SLC6A16: variants seen among roughly 807,000 people sequenced by gnomAD.
SLC6A16 encodes the protein solute carrier family 6 member 16, also known as orphan sodium- and chloride-dependent neurotransmitter transporter NTT5.
A neutral mutation model predicts 65.4 loss-of-function variants in SLC6A16; 54 were observed. That is an observed-to-expected ratio of 0.83 (90% CI 0.66 to 1.04). The LOEUF (loss-of-function observed/expected upper bound fraction) is 1.04, where lower values mean the gene tolerates loss of function less well. SLC6A16 is among the 50% of genes least tolerant of loss of function. SLC6A16 has a pLI of 0.00. For synonymous variants in SLC6A16, 330 were observed against 346.5 expected (o/e 0.95, Z 0.53); for missense variants, 816 against 914.0 (o/e 0.89, Z 1.38).
rs751309527 is a variant in SLC6A16, at chr19:49,299,562, G to GAA, written c.1230-5010_1230-5009insTT. Among the ~76,000 whole-genome samples the GAA allele has an allele frequency of 2.8e-5, 3 of 106,082 alleles. No individual in the cohort carries two copies. The Admixed American group carries it at 2.9e-4, about 10-fold the overall frequency. 69.6% of individuals were successfully genotyped at this position (106,082 alleles called of 152,430 possible). A position where few individuals can be genotyped will look rare whatever the true frequency, so the allele number is the denominator to read the frequency against. ...AAAAAAAAAAAAAGAAAGAAAGAAA[G>GAA]AGAAAGCTGAAAGATAGTAGGCTAT... On this transcript the variant is annotated intron_variant, in intron 7 of 11. Coordinates refer to ENST00000335875, the MANE Select transcript of SLC6A16 (RefSeq NM_014037.3).
At chr19:49,307,174 G>A (rs576862381) in intron 7 of SLC6A16, among the ~76,000 whole-genome samples, 20 of 150,654 alleles carry the variant, frequency 1.3e-4, no homozygotes, top group Non-Finnish European at 2.1e-4. Flanking sequence ...CACTGCTCCC[G>A]GCCTTGTTTT....
intron 8 of SLC6A16, 53 bp downstream of exon 8, chr19:49,294,313 TG>T: frequency 6.5e-7 from 1 of 1,542,878 alleles, no homozygotes; most frequent in Non-Finnish European, 8.8e-7. Context: ...AAATTTCTGT[TG>T]TGCTAAAGGC....
chr19:49,304,306 G>A (rs1255447176), intron 7 of SLC6A16, among the ~76,000 whole-genome samples: 5 of 152,110 alleles, frequency 3.3e-5, no homozygotes, highest in African/African-American at 7.2e-5. Flanking sequence ...CTATAACCAC[G>A]CATAAAGGCC....
the SLC6A16 span, chr19:49,340,002 G>A: frequency 5.5e-6 from 8 of 1,445,430 alleles, no homozygotes; most frequent in South Asian, 5.7e-5. Context: ...CCAAAATAAA[G>A]GACCCTGGGC....
the SLC6A16 span, chr19:49,335,731 C>A: frequency 6.2e-7 from 1 of 1,613,968 alleles, no homozygotes; most frequent in Non-Finnish European, 8.5e-7. The surrounding 1 kb of genome is among the most constrained non-coding windows in gnomAD (Gnocchi z 4.6). Context: ...GCAGCCTGAT[C>A]TTCTGCTTCG....
upstream of SLC6A16, among the ~76,000 whole-genome samples, chr19:49,330,055 C>T (rs1970833944): frequency 6.6e-6 from 1 of 151,354 alleles, no homozygotes; most frequent in Non-Finnish European, 1.5e-5. Flanking sequence ...GAGATTGAGG[C>T]TGCAATGAGT....
At chr19:49,325,707 T>C (rs1015406521), upstream of SLC6A16, among the ~76,000 whole-genome samples, 4 of 152,188 alleles carry the variant, frequency 2.6e-5, no homozygotes, top group African/African-American at 7.2e-5. Context: ...TTAAGAATTA[T>C]TAAGGACTCC....
At position 49,290,061 on chromosome 19, in the gene SLC6A16, A is replaced by G. The variant is rs367764620; in HGVS notation, c.*62T>C. On this transcript the variant is annotated 3_prime_UTR_variant, in exon 12 of 12. Transcript: ENST00000335875. ...GGGAGATCAACAGTTGCAAGCTGATATTAAGAGTTGTCTATTGGATCTGTT... is the reference window on the plus strand; with the variant it reads ...GGGAGATCAACAGTTGCAAGCTGATGTTAAGAGTTGTCTATTGGATCTGTT... The G allele has an allele frequency of 1.1e-5, 17 of 1,512,980 alleles. No individual in the cohort carries two copies. The African/African-American group carries it at 2.3e-4, about 21-fold the overall frequency. The allele number at this position is 1,512,980 out of a possible 1,614,324, so 93.7% of individuals were successfully genotyped here. A position where few individuals can be genotyped will look rare whatever the true frequency, so the allele number is the denominator to read the frequency against.
At chr19:49,309,489 G>T in intron 5 of SLC6A16, 78 bp from the exon 6 acceptor site, 1 of 1,347,860 alleles carries the variant, frequency 7.4e-7, no homozygotes, top group Non-Finnish European at 1.1e-6. Context: ...CAAAAGTTCT[G>T]AGTCAGAAAT....
intron 7 of SLC6A16, among the ~76,000 whole-genome samples, chr19:49,306,904 T>A (rs1355386641): frequency 3.3e-5 from 5 of 152,070 alleles, no homozygotes; most frequent in Non-Finnish European, 5.9e-5. Flanking sequence ...GTAACCACTA[T>A]CCTGACTTTT....
the SLC6A16 span, among the ~76,000 whole-genome samples, chr19:49,330,353 G>A: frequency 3.3e-5 from 5 of 152,272 alleles, no homozygotes; most frequent in African/African-American, 1.2e-4. Context: ...GAAAGTTTGA[G>A]GCTAGGCATA....
upstream of SLC6A16, among the ~76,000 whole-genome samples, chr19:49,326,491 T>G (rs1254555415): frequency 6.6e-6 from 1 of 152,216 alleles, no homozygotes; most frequent in African/African-American, 2.4e-5. Flanking sequence ...TAAATTGTTA[T>G]GATTGAACAA....
the SLC6A16 span, among the ~76,000 whole-genome samples, chr19:49,332,656 C>G: frequency 6.6e-6 from 1 of 152,184 alleles, no homozygotes; most frequent in Admixed American, 6.6e-5. Flanking sequence ...CCCGCAAAAC[C>G]CTTTTTTCCA....
chr19:49,321,830 G>A (rs1251291800), intron 1 of SLC6A16, among the ~76,000 whole-genome samples: 1 of 151,722 alleles, frequency 6.6e-6, no homozygotes, highest in African/African-American at 2.4e-5. Flanking sequence ...GCTGAGATGG[G>A]AGAATCACTT....
At chr19:49,338,302 T>G in the SLC6A16 span, 23 of 808,730 alleles carry the variant, frequency 2.8e-5, no homozygotes, top group African/African-American at 4.2e-4. The surrounding 1 kb of genome is among the most constrained non-coding windows in gnomAD (Gnocchi z 5.0). Flanking sequence ...AGGCCCCTAG[T>G]CCCAAGACCC....
Position 49,309,025 on chromosome 19 carries a change from T to C in SLC6A16, c.1080A>G (p.Leu360=), listed in dbSNP as rs1970451343. 8 of 1,614,022 alleles carry C rather than the reference T, an allele frequency of 5.0e-6. No individual in the cohort carries two copies. Among genetic ancestry groups the C allele is most frequent in the Non-Finnish European group, 6.8e-6 (8 of 1,180,032 alleles). Residue 360 remains leucine (L), a synonymous_variant, in exon 7 of 12, where the codon TTA becomes TTG. Transcript: ENST00000335875. Reference sequence around the variant, plus strand: ...TGTTGGACTGGGGCATGTAGGAGGCTAAGGAGGCAACGGAGCCAAGGCCTA... The same window carrying C: ...TGTTGGACTGGGGCATGTAGGAGGCCAAGGAGGCAACGGAGCCAAGGCCTA... The part of the protein sequence containing the change: ...TGIGLGSVAS[L]ASYMPQSNNC...
intron 9 of SLC6A16, 109 bp from the exon 10 acceptor site, chr19:49,293,491 G>A (rs1970120499): frequency 2.1e-5 from 22 of 1,051,330 alleles, no homozygotes; most frequent in African/African-American, 3.2e-5. Flanking sequence ...GTAGCCGGGC[G>A]AGGGGGCTTA....
the SLC6A16 span, chr19:49,336,522 C>T: frequency 5.5e-6 from 1 of 183,362 alleles, no homozygotes; most frequent in South Asian, 1.0e-4. Context: ...CACATCACTG[C>T]ACTCCAGCCT....
At chr19:49,334,729 C>T in the SLC6A16 span, among the ~76,000 whole-genome samples, 2 of 148,018 alleles carry the variant, frequency 1.4e-5, no homozygotes, top group African/African-American at 5.0e-5. Flanking sequence ...CCCATTTCTA[C>T]AAAAAATACA....
Sources: allele counts gnomAD v4.1 joint callset (sites outside exome capture counted in the v4.1 genomes callset), GRCh38; gene constraint gnomAD v4.1.1; non-coding constraint Gnocchi (gnomAD v3.1); transcripts MANE v1.5; gene names NCBI Gene and HGNC (gene_info 2026-07-23, HGNC 2026-07-21).